Variants in PCDHA12 observed in about 807,000 individuals in gnomAD.
The protein encoded by PCDHA12 is protocadherin alpha-12.
In PCDHA12, 44 loss-of-function variants were observed where a neutral mutation model predicts 60.0. The ratio of observed to expected loss-of-function variants is 0.73; its 90% CI spans 0.58 to 0.94. The LOEUF (loss-of-function observed/expected upper bound fraction) is 0.94, where lower values mean the gene tolerates loss of function less well. Among genes scored for constraint, PCDHA12 ranks in the 40% least tolerant of loss-of-function variants. The pLI is 0.00. For missense variants in PCDHA12, 1,276 were observed against 1,239.7 expected (o/e 1.03, Z -0.44); for synonymous variants, 569 against 553.0 (o/e 1.03, Z -0.40).
intron 1 of PCDHA12, among the ~76,000 whole-genome samples, chr5:140,950,237 A>G (rs1192417956): frequency 6.6e-6 from 1 of 151,954 alleles, no homozygotes; most frequent in African/African-American, 2.4e-5. Flanking sequence ...AGTGCCATTA[A>G]TTTGTTCCTA....
At chr5:140,940,508 G>A (rs1171264265) in intron 1 of PCDHA12, among the ~76,000 whole-genome samples, 2 of 151,902 alleles carry the variant, frequency 1.3e-5, no homozygotes, top group African/African-American at 4.8e-5. Context: ...CGTCGCTCAG[G>A]CGTGATCATA....
At chr5:140,921,198 A>T (rs1298623554) in intron 1 of PCDHA12, among the ~76,000 whole-genome samples, 2 of 152,076 alleles carry the variant, frequency 1.3e-5, no homozygotes, top group African/African-American at 4.8e-5. Flanking sequence ...CAATAGATTG[A>T]CAACGATAAT....
At position 140,877,564 on chromosome 5, in the gene PCDHA12, G is replaced by A. The variant is rs782415331; in HGVS notation, c.2092G>A (p.Val698Met). 20 of 1,613,652 alleles carry A rather than the reference G, an allele frequency of 1.2e-5. No individual in the cohort carries two copies. The highest frequency in any genetic ancestry group is 3.3e-4 in the Middle Eastern group (2 of 6,082). ...DPEAALVDIN[V>M]YLIIAICAVS... Reference sequence around the variant, plus strand: ...CGAAGCGGCTCTGGTGGATATTAACGTGTACCTCATCATCGCCATCTGTGC... The same window carrying A: ...CGAAGCGGCTCTGGTGGATATTAACATGTACCTCATCATCGCCATCTGTGC... Residue 698 changes from valine (V) to methionine (M), a missense_variant, in exon 1 of 4, where the codon GTG becomes ATG. Physicochemically the swap from Val to Met is conservative, Grantham distance 21 (BLOSUM62 1). Transcript: ENST00000398631.
intron 1 of PCDHA12, chr5:140,966,545 G>A: frequency 2.1e-6 from 1 of 465,980 alleles, no homozygotes; most frequent in Non-Finnish European, 3.7e-6. Context: ...CGACTCGGAG[G>A]CGAGCGGAGG....
chr5:140,928,642 G>A (rs2085397273), intron 1 of PCDHA12: 2 of 1,614,114 alleles, frequency 1.2e-6, no homozygotes, highest in Non-Finnish European at 8.5e-7. Flanking sequence ...CACAAAAGTG[G>A]TAGCAGAGGA....
At chr5:140,984,295 A>C (rs1195087908) in intron 3 of PCDHA12, among the ~76,000 whole-genome samples, 3 of 152,208 alleles carry the variant, frequency 2.0e-5, no homozygotes, top group African/African-American at 7.2e-5. Flanking sequence ...CCCATTGGTG[A>C]TGCTGGTTGG....
intron 1 of PCDHA12, among the ~76,000 whole-genome samples, chr5:140,878,794 T>G (rs2057730678): frequency 6.6e-6 from 1 of 152,218 alleles, no homozygotes; most frequent in African/African-American, 2.4e-5. Flanking sequence ...CAATCACTTT[T>G]TAAAAACATA....
chr5:140,887,222 G>A (rs1406254180), intron 1 of PCDHA12, among the ~76,000 whole-genome samples: 1 of 151,284 alleles, frequency 6.6e-6, no homozygotes, highest in Non-Finnish European at 1.5e-5. Flanking sequence ...TCAGCCTCCC[G>A]AGTAGCTGAG....
At chr5:140,880,173 C>T (rs2058257400) in intron 1 of PCDHA12, among the ~76,000 whole-genome samples, 1 of 152,006 alleles carries the variant, frequency 6.6e-6, no homozygotes, top group Non-Finnish European at 1.5e-5. Context: ...AGAAGTTAAA[C>T]ATGAAGGGAA....
At chr5:140,883,080 A>T in intron 1 of PCDHA12, 1 of 1,614,140 alleles carries the variant, frequency 6.2e-7, no homozygotes, top group Non-Finnish European at 8.5e-7. Flanking sequence ...GATCCTGATG[A>T]TGGTACAAAT....
intron 1 of PCDHA12, among the ~76,000 whole-genome samples, chr5:140,960,872 AAT>A (rs2095576865): frequency 6.6e-6 from 1 of 152,232 alleles, no homozygotes; most frequent in Admixed American, 6.5e-5. Flanking sequence ...AATTAGCTGA[AAT>A]ACACACTAAT....
chr5:140,900,233 GT>G (rs1261263702), intron 1 of PCDHA12, among the ~76,000 whole-genome samples: 15 of 151,946 alleles, frequency 9.9e-5, no homozygotes, highest in African/African-American at 2.7e-4. Context: ...ACTGGATCTT[GT>G]TTTTTTTATG....
At chr5:140,962,781 T>A (rs1466674099) in intron 1 of PCDHA12, among the ~76,000 whole-genome samples, 1 of 152,228 alleles carries the variant, frequency 6.6e-6, no homozygotes, top group African/African-American at 2.4e-5. Context: ...ATGGAATTTT[T>A]AAAAACTACT....
chr5:140,884,233 T>A (rs782019323), intron 1 of PCDHA12: 1 of 1,613,364 alleles, frequency 6.2e-7, no homozygotes. Flanking sequence ...AGGACCACGG[T>A]GAGCCCGCGC....
chr5:140,901,307 T>A (rs544600785), intron 1 of PCDHA12, among the ~76,000 whole-genome samples: 1 of 152,264 alleles, frequency 6.6e-6, no homozygotes, highest in East Asian at 1.9e-4. Context: ...TTCCGGAGAG[T>A]TTCCCCAATG....
intron 1 of PCDHA12, chr5:140,926,959 G>A: frequency 6.2e-7 from 1 of 1,604,022 alleles, no homozygotes; most frequent in Non-Finnish European, 8.5e-7. Context: ...GGGACAGCTC[G>A]AGTACTCAGT....
intron 1 of PCDHA12, among the ~76,000 whole-genome samples, chr5:140,943,364 C>T (rs1463652865): frequency 6.6e-6 from 1 of 150,620 alleles, no homozygotes; most frequent in Non-Finnish European, 1.5e-5. Context: ...GAAAGGAGAT[C>T]ATTAAAATAT....
chr5:140,982,308 A>T, intron 2 of PCDHA12, 167 bp from the exon 3 acceptor site: 1 of 1,269,286 alleles, frequency 7.9e-7, no homozygotes. Context: ...ATGCTTCTGC[A>T]GTTTATGCAG....
chr5:140,919,609 CT>C (rs2079218169), intron 1 of PCDHA12, among the ~76,000 whole-genome samples: 2 of 151,908 alleles, frequency 1.3e-5, no homozygotes, highest in South Asian at 4.1e-4. Flanking sequence ...AAATTTTAAA[CT>C]GTATCTTTTG....
Sources: allele counts gnomAD v4.1 joint callset (sites outside exome capture counted in the v4.1 genomes callset), GRCh38; gene constraint gnomAD v4.1.1; transcripts MANE v1.5; gene names NCBI Gene and HGNC (gene_info 2026-07-23, HGNC 2026-07-21).